Variants in GSN observed in about 807,000 individuals in gnomAD.
GSN encodes gelsolin.
Under a neutral mutation model 85.7 loss-of-function variants are expected in GSN, and 56 were observed. The ratio of observed to expected loss-of-function variants is 0.65; its 90% CI spans 0.53 to 0.82. The LOEUF (loss-of-function observed/expected upper bound fraction) is 0.82. Among genes scored for constraint, GSN ranks in the 40% least tolerant of loss-of-function variants. GSN has a pLI of 0.00. For synonymous variants in GSN, 373 were observed against 399.1 expected, an observed-to-expected ratio of 0.93 and a Z score of 0.78; for missense variants, 857 against 979.8, an observed-to-expected ratio of 0.87 and a Z score of 1.67.
Position 121,332,286 on chromosome 9 carries a change from GATGGT to G in GSN, c.2027-147_2027-143del, listed in dbSNP as rs1238097815. 1.3e-6 allele frequency: 1 copy of G among 771,030 alleles called. No homozygotes were observed. The highest frequency in any genetic ancestry group is 1.7e-5 in the African/African-American group (1 of 58,818). The allele number at this position is 771,030 out of a possible 1,614,324, so 47.8% of individuals were successfully genotyped here. On this transcript the variant is annotated intron_variant, in intron 17 of 17. Coordinates refer to ENST00000432226, the MANE Select transcript of GSN (RefSeq NM_198252.3). The surrounding 1 kb of genome is among the most constrained non-coding windows in gnomAD (Gnocchi z 4.8). ...CGTGGGTATCATGCCTTTAAAGGAGGATGGTGCCCAGGGCAGGGGGTGGGCAGTAG... is the reference window on the plus strand; with the variant it reads ...CGTGGGTATCATGCCTTTAAAGGAGGGCCCAGGGCAGGGGGTGGGCAGTAG...
intron 6 of GSN, among the ~76,000 whole-genome samples, chr9:121,262,054 A>G (rs1056223109): frequency 3.3e-5 from 5 of 152,242 alleles, no homozygotes; most frequent in African/African-American, 1.2e-4. Context: ...GAGTAGTTCC[A>G]CATTTCTTGA....
At chr9:121,225,676 A>C (rs1435670654) in intron 4 of GSN, among the ~76,000 whole-genome samples, 1 of 152,174 alleles carries the variant, frequency 6.6e-6, no homozygotes, top group Non-Finnish European at 1.5e-5. Flanking sequence ...CTTTGATGAG[A>C]TGTACACCAT....
intron 14 of GSN, among the ~76,000 whole-genome samples, 192 bp from the exon 15 acceptor site, chr9:121,328,699 C>T (rs888017329): frequency 6.6e-6 from 1 of 152,236 alleles, no homozygotes; most frequent in Non-Finnish European, 1.5e-5. Context: ...AGTCTGCCCT[C>T]TCTGGGCCTC....
In GSN at chr9:121,310,669, T is replaced by G. The variant is rs996948700; in HGVS notation, c.352-15T>G. The G allele has an allele frequency of 1.9e-6, 3 of 1,613,720 alleles. No homozygotes were observed. The highest frequency in any genetic ancestry group is 1.7e-5 in the Admixed American group (1 of 59,996). ...CCTTCTCCCCTGGGCTAATGCTGTC[T>G]CTTTGGCCCCACAGAAAGGAGGTGT... On this transcript the variant is annotated splice_polypyrimidine_tract_variant and intron_variant, in intron 4 of 17. Transcript: ENST00000432226.
chr9:121,229,609 T>G (rs2054347588), intron 4 of GSN, among the ~76,000 whole-genome samples: 1 of 152,238 alleles, frequency 6.6e-6, no homozygotes, highest in Admixed American at 6.5e-5. Flanking sequence ...TATACATTTT[T>G]GGGCCAAAAT....
intron 6 of GSN, 49 bp from the exon 7 acceptor site, chr9:121,313,885 G>C: frequency 7.1e-7 from 1 of 1,405,480 alleles, no homozygotes. Flanking sequence ...CAGGAGCCTG[G>C]CCCCTCCCTC....
intron 1 of GSN, chr9:121,209,185 G>A (rs2053929861): frequency 6.6e-6 from 1 of 152,256 alleles, no homozygotes. Flanking sequence ...GACTAGGGCA[G>A]GCCTCCTGCT....
At chr9:121,287,632 C>T (rs544850709) in intron 2 of GSN, among the ~76,000 whole-genome samples, 4 of 152,206 alleles carry the variant, frequency 2.6e-5, no homozygotes, top group Admixed American at 6.5e-5. Context: ...CAGGGAGCGC[C>T]CTTCTCTTGC....
At chr9:121,231,099 C>T (rs1347380281) in intron 4 of GSN, 1 of 152,220 alleles carries the variant, frequency 6.6e-6, no homozygotes, top group Non-Finnish European at 1.5e-5. Context: ...AGTCCAGGGC[C>T]AACGAGAAGC....
chr9:121,324,402 C>A, intron 11 of GSN, 152 bp from the exon 12 acceptor site: 1 of 662,914 alleles, frequency 1.5e-6, no homozygotes. Flanking sequence ...TGGTGTGGTT[C>A]CTGGCTCTCG....
intron 4 of GSN, among the ~76,000 whole-genome samples, 191 bp downstream of exon 4, chr9:121,303,256 G>A (rs1393865232): frequency 6.6e-6 from 1 of 152,184 alleles, no homozygotes; most frequent in Non-Finnish European, 1.5e-5. Context: ...AAATCACACT[G>A]CCTTTCTGAG....
At chr9:121,295,698 G>A (rs1181375586) in intron 2 of GSN, among the ~76,000 whole-genome samples, 1 of 152,150 alleles carries the variant, frequency 6.6e-6, no homozygotes, top group African/African-American at 2.4e-5. Context: ...CTACAGGGGA[G>A]GGAGGGGTCC....
intron 2 of GSN, among the ~76,000 whole-genome samples, chr9:121,291,732 T>C (rs1420986976): frequency 6.6e-6 from 1 of 152,058 alleles, no homozygotes; most frequent in Non-Finnish European, 1.5e-5. Flanking sequence ...CATTGGACTT[T>C]TTCTCTAACT....
intron 5 of GSN, among the ~76,000 whole-genome samples, chr9:121,232,911 G>A (rs1196999250): frequency 1.3e-5 from 2 of 152,192 alleles, no homozygotes; most frequent in African/African-American, 2.4e-5. Flanking sequence ...TTACAATTCA[G>A]AGGAACCATT....
At chr9:121,202,091 T>G in the GSN span, among the ~76,000 whole-genome samples, 3 of 151,940 alleles carry the variant, frequency 2.0e-5, no homozygotes, top group Non-Finnish European at 4.4e-5. Context: ...GGAAAGCGCG[T>G]ATGCGCAAGC....
At chr9:121,247,329 A>G (rs986803460) in intron 5 of GSN, among the ~76,000 whole-genome samples, 1 of 152,196 alleles carries the variant, frequency 6.6e-6, no homozygotes, top group Non-Finnish European at 1.5e-5. Context: ...AGCCCCCGCC[A>G]CACTGCTGTC....
In GSN at chr9:121,254,437, A is replaced by C. The variant is rs1397753786; in HGVS notation, c.-341+6114A>C. On this transcript the variant is annotated intron_variant, in intron 6 of 24. Coordinates refer to the GSN transcript ENST00000373823. ...CTTTCTCTTCCCTTTTCTCTCTCCC[A>C]AGTTCCTGCTCCCTCAGACTCCTGT... is the stretch of plus-strand genomic sequence containing the variant. Among the ~76,000 whole-genome samples the C allele has an allele frequency of 3.3e-5, 5 of 152,046 alleles. 1 individual carries two copies. The highest frequency in any genetic ancestry group is 3.3e-4 in the Admixed American group (5 of 15,266).
At chr9:121,282,241 A>G in intron 2 of GSN, 2 of 587,892 alleles carry the variant, frequency 3.4e-6, no homozygotes, top group Non-Finnish European at 6.2e-6. Context: ...CCCCCTACCC[A>G]CCTAACAAAG....
intron 10 of GSN, among the ~76,000 whole-genome samples, chr9:121,320,506 A>G (rs2062285963): frequency 6.6e-6 from 1 of 152,136 alleles, no homozygotes; most frequent in South Asian, 2.1e-4. Context: ...TTAGCTGGCC[A>G]TGGTGGCAGG....
Sources: gnomAD v4.1 joint callset for allele counts (sites outside exome capture counted in the v4.1 genomes callset) on GRCh38, gnomAD v4.1.1 for gene constraint, Gnocchi (gnomAD v3.1) non-coding constraint, MANE v1.5 for transcripts, NCBI Gene and HGNC (gene_info 2026-07-23, HGNC 2026-07-21) for gene names.